Variants in DGLUCY observed in about 807,000 individuals in gnomAD.
DGLUCY encodes D-glutamate cyclase, mitochondrial.
A neutral mutation model predicts 58.5 loss-of-function variants in DGLUCY; 58 were observed. The ratio of observed to expected loss-of-function variants is 0.99; its 90% CI spans 0.80 to 1.23. The LOEUF (loss-of-function observed/expected upper bound fraction) is 1.23. DGLUCY is among the 50% of genes most tolerant of loss of function. The probability of loss-of-function intolerance (pLI) is 0.00; values close to 1 mark genes in which losing one functional copy is unlikely to be tolerated. For synonymous variants in DGLUCY, 325 were observed against 314.1 expected (o/e 1.03, Z -0.37); for missense variants, 779 against 784.7 (o/e 0.99, Z 0.09).
intron 1 of DGLUCY, among the ~76,000 whole-genome samples, chr14:91,129,739 C>T (rs2045928573): frequency 6.6e-6 from 1 of 151,944 alleles, no homozygotes; most frequent in African/African-American, 2.4e-5. Context: ...CTCTGCCTTC[C>T]GGGTTCAAGC....
At chr14:91,215,024 C>G (rs1392556337) in intron 12 of DGLUCY, among the ~76,000 whole-genome samples, 2 of 152,132 alleles carry the variant, frequency 1.3e-5, no homozygotes, top group Non-Finnish European at 2.9e-5. Context: ...TGGCACACAC[C>G]TGTAGTCCCA....
At chr14:91,129,874 C>T (rs937462861) in intron 1 of DGLUCY, among the ~76,000 whole-genome samples, 4 of 152,044 alleles carry the variant, frequency 2.6e-5, no homozygotes, top group Non-Finnish European at 5.9e-5. Flanking sequence ...CTTGAACTCC[C>T]GACCTCAGGT....
chr14:91,204,986 A>G (rs1247483671), intron 12 of DGLUCY, 161 bp downstream of exon 12: 4 of 938,268 alleles, frequency 4.3e-6, no homozygotes, highest in Non-Finnish European at 6.3e-6. Context: ...TCATTCAGTC[A>G]TTCAACAAAC....
At position 91,158,018 on chromosome 14, in the gene DGLUCY, C is replaced by T. The variant is rs550431905; in HGVS notation, c.-30+328C>T. Among the ~76,000 whole-genome samples the T allele has an allele frequency of 3.9e-5, 6 of 152,242 alleles. No individual in the cohort carries two copies. The East Asian group carries it at 1.2e-3, about 29-fold the overall frequency. Reference sequence around the variant, plus strand: ...GGTGGCCCATTCCAGTGGGTTTGGGCAAATGAGGACGGTTATCAGAGGAGT... The same window carrying T: ...GGTGGCCCATTCCAGTGGGTTTGGGTAAATGAGGACGGTTATCAGAGGAGT... On this transcript the variant is annotated intron_variant, in intron 2 of 13. Transcript: ENST00000256324.
rs563988947 is a variant in DGLUCY, at chr14:91,068,256, C to T, written c.-82+7552C>T. Among the ~76,000 whole-genome samples, 5 of 152,278 alleles carry T rather than the reference C, an allele frequency of 3.3e-5. No individual in the cohort carries two copies. In the South Asian group the frequency reaches 6.2e-4, roughly 19 times the overall value. ...GCATTGCAGATGAGGAACACTAGGACGAAAGGGAAGATTCAAGTTTAAGAT... is the reference window on the plus strand; with the variant it reads ...GCATTGCAGATGAGGAACACTAGGATGAAAGGGAAGATTCAAGTTTAAGAT... On this transcript the variant is annotated intron_variant, in intron 1 of 4. Transcript: ENST00000521334.
At chr14:91,143,094 T>G (rs2046815389) in intron 1 of DGLUCY, among the ~76,000 whole-genome samples, 1 of 149,894 alleles carries the variant, frequency 6.7e-6, no homozygotes, top group Admixed American at 6.6e-5. Flanking sequence ...TTTTGTTTTG[T>G]TTTTGTTTTT....
chr14:91,167,653 T>A (rs1291078929), intron 4 of DGLUCY: 2 of 704,838 alleles, frequency 2.8e-6, no homozygotes, highest in Non-Finnish European at 5.2e-6. Flanking sequence ...ATCTGTCCAC[T>A]CCATCGCCCA....
chr14:91,144,304 G>A (rs997893814), intron 1 of DGLUCY, among the ~76,000 whole-genome samples: 6 of 152,108 alleles, frequency 3.9e-5, no homozygotes, highest in African/African-American at 1.4e-4. Context: ...GGGCACAGTG[G>A]CTCCCAGGAC....
chr14:91,152,446 C>T (rs1048603772), intron 1 of DGLUCY, among the ~76,000 whole-genome samples: 2 of 152,126 alleles, frequency 1.3e-5, no homozygotes, highest in Admixed American at 6.5e-5. Context: ...CAATTCTTTG[C>T]ATGTGGGGAG....
At chr14:91,156,862 G>A (rs187382836) in intron 1 of DGLUCY, among the ~76,000 whole-genome samples, 1 of 152,362 alleles carries the variant, frequency 6.6e-6, no homozygotes, top group Admixed American at 6.5e-5. Flanking sequence ...GAAAGTCTGA[G>A]AAGTTCAGGA....
chr14:91,201,030 G>A (rs1168048216), intron 11 of DGLUCY, among the ~76,000 whole-genome samples: 1 of 152,076 alleles, frequency 6.6e-6, no homozygotes, highest in Non-Finnish European at 1.5e-5. Context: ...TCAAGGGTGG[G>A]GAGGGTGTAT....
At position 91,199,895 on chromosome 14, in the gene DGLUCY, C is replaced by CT; in HGVS notation, c.1435dup (p.Ser479PhefsTer7). The CT allele has an allele frequency of 3.1e-6, 5 of 1,614,174 alleles. No individual in the cohort carries two copies. Among genetic ancestry groups the CT allele is most frequent in the Non-Finnish European group, 3.4e-6 (4 of 1,180,014 alleles). On this transcript the variant is annotated frameshift_variant, in exon 11 of 14. Coordinates refer to ENST00000256324, the MANE Select transcript of DGLUCY (RefSeq NM_001102368.3). LOFTEE classifies it high-confidence loss of function. Reference sequence around the variant, plus strand: ...TTGCTGCGAAGAAGATTCCTGGAATCTCATCAACTGGTAAGTATGGAGTAC... The same window carrying CT: ...TTGCTGCGAAGAAGATTCCTGGAATCTTCATCAACTGGTAAGTATGGAGTAC...
At chr14:91,168,940 A>C (rs1259230287) in intron 4 of DGLUCY, among the ~76,000 whole-genome samples, 1 of 152,006 alleles carries the variant, frequency 6.6e-6, no homozygotes, top group Non-Finnish European at 1.5e-5. Flanking sequence ...TACAGAAATT[A>C]GCCGGGCATG....
chr14:91,171,442 C>T lies in DGLUCY; in HGVS notation c.456+1241C>T, dbSNP rs554673870. ...TCAGTCTAATATCGACACCTCTGCC[C>T]CTGGGCTCCAGGGAGAGATGGCCAG... On this transcript the variant is annotated intron_variant, in intron 5 of 13. Coordinates refer to ENST00000256324, the MANE Select transcript of DGLUCY (RefSeq NM_001102368.3). Among the ~76,000 whole-genome samples, 48 of 152,352 alleles carry T rather than the reference C, an allele frequency of 3.2e-4. No homozygotes were observed. In the South Asian group the frequency reaches 9.1e-3, roughly 29 times the overall value.
chr14:91,201,860 C>G (rs562892062), intron 11 of DGLUCY, among the ~76,000 whole-genome samples: 21 of 151,938 alleles, frequency 1.4e-4, no homozygotes, highest in African/African-American at 5.1e-4. Context: ...CCAGACCAGC[C>G]TGGCCAACAT....
chr14:91,131,830 C>T (rs1250992212), intron 1 of DGLUCY, among the ~76,000 whole-genome samples: 7 of 152,114 alleles, frequency 4.6e-5, no homozygotes, highest in Non-Finnish European at 8.8e-5. Flanking sequence ...GAGTTTCGCT[C>T]TTGTTGCCCA....
chr14:91,090,360 C>T (rs1046827924), intron 1 of DGLUCY, among the ~76,000 whole-genome samples: 2 of 152,176 alleles, frequency 1.3e-5, no homozygotes, highest in African/African-American at 4.8e-5. Context: ...AGTGAATTTG[C>T]CTCCACATGC....
intron 9 of DGLUCY, among the ~76,000 whole-genome samples, chr14:91,191,191 A>G (rs1212720067): frequency 6.6e-6 from 1 of 152,132 alleles, no homozygotes; most frequent in Non-Finnish European, 1.5e-5. Flanking sequence ...ACATCTTGAG[A>G]AGTAGATTAA....
intron 3 of DGLUCY, among the ~76,000 whole-genome samples, chr14:91,162,198 T>C (rs573840537): frequency 1.3e-5 from 2 of 152,326 alleles, no homozygotes; most frequent in East Asian, 3.9e-4. Flanking sequence ...AAGCTCATTT[T>C]ACCAAACAGC....
Sources: allele counts gnomAD v4.1 joint callset (sites outside exome capture counted in the v4.1 genomes callset), GRCh38; gene constraint gnomAD v4.1.1; transcripts MANE v1.5; gene names NCBI Gene and HGNC (gene_info 2026-07-23, HGNC 2026-07-21).